MYO18B: variants seen among roughly 807,000 people sequenced by gnomAD.
MYO18B encodes the protein myosin XVIIIB.
A neutral mutation model predicts 273.0 loss-of-function variants in MYO18B; 204 were observed. The ratio of observed to expected loss-of-function variants is 0.75; its 90% CI spans 0.67 to 0.84. The LOEUF (loss-of-function observed/expected upper bound fraction) is 0.84. MYO18B is among the 40% of genes least tolerant of loss of function. The pLI is 0.00. For missense variants in MYO18B, 3,212 were observed against 3,287.6 expected (o/e 0.98, Z 0.56); for synonymous variants, 1,330 against 1,305.7 (o/e 1.02, Z -0.40).
Position 26,030,074 on chromosome 22 carries a change from T to G in MYO18B, c.*13-369T>G, listed in dbSNP as rs563942629. ...ACCCCATTCATTGTCTCTATCAAAA[T>G]GTACCCATCTTCCTGGCCAGGCACA... On this transcript the variant is annotated intron_variant, in intron 43 of 43. Coordinates refer to ENST00000335473, the MANE Select transcript of MYO18B (RefSeq NM_032608.7). Among the ~76,000 whole-genome samples the G allele has an allele frequency of 2.8e-3, 431 of 152,258 alleles. 3 individuals are homozygous for G. Among genetic ancestry groups the G allele is most frequent in the African/African-American group, 0.01 (417 of 41,534 alleles).
rs551701390 is a variant in MYO18B at position 26,026,747 on chromosome 22, G to A, written c.6773G>A (p.Arg2258Gln). The change falls in exon 43 of 44, where the codon CGG (arginine) becomes CAG (glutamine). Residue 2258 changes from arginine to glutamine, a missense_variant. Arg to Gln is a conservative substitution (Grantham distance 43, BLOSUM62 1). Coordinates refer to ENST00000335473, the MANE Select transcript of MYO18B (RefSeq NM_032608.7). ...AALSEFVEGL[R>Q]RKRAQRGQGS... ...CTCTCGGAGTTCGTGGAAGGGCTCC[G>A]GAGGAAGAGAGCCCAGAGAGGCCAG... is the stretch of plus-strand genomic sequence containing the variant. 4.7e-5 allele frequency: 76 copies of A among 1,612,816 alleles called. No individual in the cohort carries two copies. The highest frequency in any genetic ancestry group is 2.7e-4 in the East Asian group (12 of 44,792).
At chr22:25,777,863 T>G (rs1601663560) in intron 8 of MYO18B, 82 bp downstream of exon 8, 45 of 1,348,062 alleles carry the variant, frequency 3.3e-5, no homozygotes, top group Non-Finnish European at 4.4e-5. Flanking sequence ...CTTTCTTATA[T>G]TCATTCAGCT....
chr22:25,825,496 T>TTG (rs1347138521), intron 13 of MYO18B, among the ~76,000 whole-genome samples: 1 of 152,228 alleles, frequency 6.6e-6, no homozygotes, highest in Non-Finnish European at 1.5e-5. Flanking sequence ...CAATGCACCC[T>TTG]AATCAAGGCT....
At chr22:25,915,693 A>C (rs1200507493) in intron 33 of MYO18B, among the ~76,000 whole-genome samples, 1 of 152,234 alleles carries the variant, frequency 6.6e-6, no homozygotes, top group Non-Finnish European at 1.5e-5. Context: ...GACTTGTCTC[A>C]ATCTATCAAT....
chr22:25,857,478 ATCTCAAGAG>A (rs34966176), intron 21 of MYO18B, among the ~76,000 whole-genome samples: 40,410 of 151,862 alleles, frequency 0.27, 5,844 homozygotes, highest in East Asian at 0.63. Flanking sequence ...CTGTGAATTC[ATCTCAAGAG>A]TCTTTATCTG....
At chr22:25,869,375 G>T (rs2285191) in intron 22 of MYO18B, among the ~76,000 whole-genome samples, 1 of 149,732 alleles carries the variant, frequency 6.7e-6, no homozygotes, top group South Asian at 2.1e-4. Flanking sequence ...GCTTGAACCC[G>T]GGAGGCGAAG....
chr22:25,781,263 C>G (rs1163111250), intron 9 of MYO18B, among the ~76,000 whole-genome samples: 1 of 152,082 alleles, frequency 6.6e-6, no homozygotes. Context: ...TTGAGAAGTT[C>G]TGACGTGGAG....
chr22:25,904,769 A>G (rs982789935), intron 31 of MYO18B, among the ~76,000 whole-genome samples: 2 of 152,186 alleles, frequency 1.3e-5, no homozygotes, highest in Non-Finnish European at 2.9e-5. Flanking sequence ...AATTGTAAAT[A>G]AAACAATCCA....
chr22:25,962,303 T>C (rs1250988406), intron 39 of MYO18B, among the ~76,000 whole-genome samples: 2 of 152,156 alleles, frequency 1.3e-5, no homozygotes, highest in Non-Finnish European at 2.9e-5. Flanking sequence ...ACCCAGTTAT[T>C]GTAAATGCCG....
intron 22 of MYO18B, among the ~76,000 whole-genome samples, chr22:25,869,952 G>T (rs1216049789): frequency 3.3e-5 from 5 of 152,216 alleles, no homozygotes; most frequent in Non-Finnish European, 7.3e-5. Flanking sequence ...AAACCTGTCA[G>T]TTACTGGACT....
In MYO18B at chr22:25,996,629, G is replaced by A. The variant is rs115452943; in HGVS notation, c.6287+4136G>A. Among the ~76,000 whole-genome samples, 649 of 152,162 alleles carry A rather than the reference G, an allele frequency of 4.3e-3. 5 individuals are homozygous for A. The highest frequency in any genetic ancestry group is 0.015 in the African/African-American group (622 of 41,520). On this transcript the variant is annotated intron_variant, in intron 40 of 43. Coordinates refer to ENST00000335473, the MANE Select transcript of MYO18B (RefSeq NM_032608.7). Reference sequence around the variant, plus strand: ...GCACAGATTGATAAATAAAACACGAGAATACAATTGGAGTTACGAGGCCAG... The same window carrying A: ...GCACAGATTGATAAATAAAACACGAAAATACAATTGGAGTTACGAGGCCAG...
intron 39 of MYO18B, among the ~76,000 whole-genome samples, chr22:25,990,767 C>T (rs1056676001): frequency 6.8e-6 from 1 of 146,042 alleles, no homozygotes; most frequent in Non-Finnish European, 1.5e-5. Flanking sequence ...GGGCTGTGAG[C>T]CATTCATTTT....
intron 12 of MYO18B, among the ~76,000 whole-genome samples, chr22:25,807,315 A>T (rs2088523242): frequency 6.6e-6 from 1 of 152,246 alleles, no homozygotes; most frequent in South Asian, 2.1e-4. Context: ...AGAGTGACAC[A>T]GATCTGGACT....
the MYO18B span, among the ~76,000 whole-genome samples, chr22:26,058,622 C>A: frequency 6.6e-6 from 1 of 152,186 alleles, no homozygotes; most frequent in Non-Finnish European, 1.5e-5. Flanking sequence ...TGGCTTTGCG[C>A]TGTCCTCATG....
chr22:25,904,321 A>G (rs999673528), intron 31 of MYO18B, among the ~76,000 whole-genome samples: 2 of 152,208 alleles, frequency 1.3e-5, no homozygotes, highest in East Asian at 1.9e-4. Flanking sequence ...TCTAACATTC[A>G]TTGAGTACTG....
intron 12 of MYO18B, among the ~76,000 whole-genome samples, chr22:25,819,586 G>A (rs933907315): frequency 6.6e-6 from 1 of 152,184 alleles, no homozygotes; most frequent in African/African-American, 2.4e-5. Context: ...AGAATCTAAT[G>A]ACATTATTGT....
At chr22:25,901,035 C>T (rs8142334) in intron 29 of MYO18B, 2 of 152,238 alleles carry the variant, frequency 1.3e-5, no homozygotes, top group African/African-American at 4.8e-5. Context: ...ACCTGACACA[C>T]TGGGACTGCT....
intron 39 of MYO18B, among the ~76,000 whole-genome samples, chr22:25,960,291 A>G (rs990455786): frequency 3.4e-4 from 51 of 152,128 alleles, no homozygotes; most frequent in Middle Eastern, 3.4e-3. Flanking sequence ...GTGGATGTAT[A>G]TATCCTGTTG....
chr22:25,785,486 T>G lies in MYO18B; in HGVS notation c.2371T>G (p.Ser791Ala). 2 of 1,612,160 alleles carry G rather than the reference T, an allele frequency of 1.2e-6. No individual in the cohort carries two copies. The highest frequency in any genetic ancestry group is 1.1e-5 in the South Asian group (1 of 90,414). ...CAGCTCCTTTGGCATGGGCGTGTGG[T>G]CCAAGGTAAGGAGGAGGTCCCTCAC... ...DSSSFGMGVW[S>A]KPEDKQKAAA... The change falls in exon 11 of 44, where the codon TCC (serine) becomes GCC (alanine). Residue 791 changes from serine (S) to alanine (A), a missense_variant. Physicochemically the swap from Ser to Ala is moderately conservative, Grantham distance 99. Coordinates refer to ENST00000335473, the MANE Select transcript of MYO18B (RefSeq NM_032608.7).
Sources: allele counts gnomAD v4.1 joint callset (sites outside exome capture counted in the v4.1 genomes callset), GRCh38; gene constraint gnomAD v4.1.1; transcripts MANE v1.5; gene names NCBI Gene and HGNC (gene_info 2026-07-23, HGNC 2026-07-21).